The following PARVA variants were observed in gnomAD, a reference collection of about 807,000 sequenced individuals.
PARVA encodes the protein alpha-parvin.
A neutral mutation model predicts 52.6 loss-of-function variants in PARVA; 25 were observed. That is an observed-to-expected ratio of 0.48 (90% CI 0.35 to 0.66). The LOEUF is 0.66. PARVA is among the 30% of genes least tolerant of loss of function. PARVA has a pLI of 0.01. For synonymous variants in PARVA, 185 were observed against 179.1 expected (o/e 1.03, Z -0.26); for missense variants, 373 against 450.9 (o/e 0.83, Z 1.56).
intron 1 of PARVA, among the ~76,000 whole-genome samples, chr11:12,403,503 C>G (rs1475667379): frequency 6.6e-6 from 1 of 152,200 alleles, no homozygotes; most frequent in Non-Finnish European, 1.5e-5. Flanking sequence ...CGGTGGGACT[C>G]AGAAGGTAGC....
chr11:12,522,950 T>C (rs1286303881), intron 12 of PARVA, among the ~76,000 whole-genome samples: 1 of 152,050 alleles, frequency 6.6e-6, no homozygotes, highest in Admixed American at 6.6e-5. Flanking sequence ...AGTGGTTATA[T>C]TTGGGGAATG....
Position 12,425,777 on chromosome 11 carries a change from T to C in PARVA, c.137-47968T>C, listed in dbSNP as rs866773058. Among the ~76,000 whole-genome samples the C allele has an allele frequency of 7.2e-5, 11 of 152,190 alleles. 1 individual carries two copies. Among genetic ancestry groups the C allele is most frequent in the Middle Eastern group, 6.3e-3 (2 of 316 alleles). On this transcript the variant is annotated intron_variant, in intron 1 of 12. Coordinates refer to ENST00000334956, the MANE Select transcript of PARVA (RefSeq NM_018222.5). The stretch of plus-strand genomic sequence containing the variant: ...TTAGCAAACAGAGTCCACTATACAG[T>C]GCTAAATATATGGCAGACGTTAAGA...
chr11:12,440,238 C>T (rs1426474517), intron 1 of PARVA, among the ~76,000 whole-genome samples: 1 of 152,142 alleles, frequency 6.6e-6, no homozygotes, highest in African/African-American at 2.4e-5. Flanking sequence ...CTTTTTTGGT[C>T]AGTGATTGGT....
chr11:12,452,490 C>G (rs1940636345), intron 1 of PARVA, among the ~76,000 whole-genome samples: 1 of 152,196 alleles, frequency 6.6e-6, no homozygotes, highest in South Asian at 2.1e-4. Flanking sequence ...CATAGCCACT[C>G]TGTGTCCAGT....
At chr11:12,417,975 G>A (rs1940090988) in intron 1 of PARVA, among the ~76,000 whole-genome samples, 1 of 152,206 alleles carries the variant, frequency 6.6e-6, no homozygotes, top group African/African-American at 2.4e-5. Flanking sequence ...GATGCAGAGT[G>A]CCTGTAGGCC....
At chr11:12,518,131 C>T (rs367920945) in intron 11 of PARVA, among the ~76,000 whole-genome samples, 1 of 152,236 alleles carries the variant, frequency 6.6e-6, no homozygotes, top group East Asian at 1.9e-4. Context: ...GCCTGTTGAA[C>T]ATGTCCTGCC....
chr11:12,435,879 G>T (rs915217179), intron 1 of PARVA, among the ~76,000 whole-genome samples: 1 of 152,072 alleles, frequency 6.6e-6, no homozygotes, highest in African/African-American at 2.4e-5. Context: ...GTGCAGTGGC[G>T]TGATCTCGGC....
chr11:12,405,375 C>T (rs765302477), intron 1 of PARVA, among the ~76,000 whole-genome samples: 19 of 152,014 alleles, frequency 1.2e-4, no homozygotes, highest in Non-Finnish European at 2.4e-4. Context: ...TTAACACATG[C>T]GTATAGGAAA....
At chr11:12,474,085 T>C in intron 3 of PARVA, 102 bp downstream of exon 3, 1 of 899,170 alleles carries the variant, frequency 1.1e-6, no homozygotes, top group Non-Finnish European at 1.8e-6. Context: ...TGAGAGAAGG[T>C]AAAAAGTCAT....
chr11:12,488,262 AT>A (rs1171802144), intron 4 of PARVA, among the ~76,000 whole-genome samples: 24 of 152,312 alleles, frequency 1.6e-4, no homozygotes, highest in African/African-American at 5.8e-4. Flanking sequence ...ATAGATTTTC[AT>A]TTTTAGCATT....
intron 1 of PARVA, among the ~76,000 whole-genome samples, chr11:12,445,904 C>T (rs181824195): frequency 2.8e-4 from 42 of 152,230 alleles, no homozygotes; most frequent in African/African-American, 9.6e-4. Flanking sequence ...CCCTATACCG[C>T]AACAAATGCC....
intron 12 of PARVA, among the ~76,000 whole-genome samples, chr11:12,519,462 G>A (rs1019073741): frequency 1.3e-5 from 2 of 152,180 alleles, no homozygotes; most frequent in Admixed American, 1.3e-4. Context: ...GAAGAGAAAA[G>A]TTGGAGCCAG....
chr11:12,413,018 TTG>T (rs1940012874), intron 1 of PARVA, among the ~76,000 whole-genome samples: 2 of 152,240 alleles, frequency 1.3e-5, no homozygotes, highest in Non-Finnish European at 2.9e-5. Context: ...TGTTTTTTTG[TTG>T]TGTTATTAAG....
rs755719887 is a variant in PARVA at position 12,496,538 on chromosome 11, C to T, written c.481C>T (p.Leu161=). The T allele has an allele frequency of 6.2e-7, 1 of 1,611,302 alleles. No homozygotes were observed. The highest frequency in any genetic ancestry group is 1.7e-5 in the Admixed American group (1 of 59,720). The change falls in exon 5 of 13, where the codon CTG becomes TTG. Residue 161 remains leucine, a synonymous_variant. Transcript: ENST00000334956. Reference sequence around the variant, plus strand: ...TCAGAAGCAAAAACTGCAGACTGTCCTGGAGAAGATCAATGAAACCCTGAA... The same window carrying T: ...TCAGAAGCAAAAACTGCAGACTGTCTTGGAGAAGATCAATGAAACCCTGAA... The part of the protein sequence containing the change: ...IAQKQKLQTV[L]EKINETLKLP...
chr11:12,382,720 C>T (rs1432996498), intron 1 of PARVA, among the ~76,000 whole-genome samples: 1 of 152,196 alleles, frequency 6.6e-6, no homozygotes. Flanking sequence ...GGATTAGACA[C>T]ATTTCAATTG....
chr11:12,527,798 T>TG, intron 12 of PARVA, 51 bp from the exon 13 acceptor site: 1 of 1,404,692 alleles, frequency 7.1e-7, no homozygotes, highest in Non-Finnish European at 1.0e-6. Context: ...ATGCCAGCTT[T>TG]GGAACATGTG....
At chr11:12,379,935 T>C (rs918969932) in intron 1 of PARVA, among the ~76,000 whole-genome samples, 28 of 152,334 alleles carry the variant, frequency 1.8e-4, no homozygotes, top group East Asian at 3.9e-4. Flanking sequence ...CTGAGAAATA[T>C]TGAAGCTCAT....
chr11:12,416,092 T>A (rs572965397), intron 1 of PARVA, among the ~76,000 whole-genome samples: 1 of 152,142 alleles, frequency 6.6e-6, no homozygotes, highest in East Asian at 1.9e-4. Flanking sequence ...GAAAGTGGAA[T>A]GATTGAGGGG....
At chr11:12,417,292 G>A (rs1940080418) in intron 1 of PARVA, among the ~76,000 whole-genome samples, 1 of 152,106 alleles carries the variant, frequency 6.6e-6, no homozygotes, top group Non-Finnish European at 1.5e-5. Context: ...GAAAAGATTG[G>A]TTAAATAAAT....
Sources: gnomAD v4.1 joint callset for allele counts (sites outside exome capture counted in the v4.1 genomes callset) on GRCh38, gnomAD v4.1.1 for gene constraint, MANE v1.5 for transcripts, NCBI Gene and HGNC (gene_info 2026-07-23, HGNC 2026-07-21) for gene names.